Variants in GRB2 observed in about 807,000 individuals in gnomAD.
GRB2 encodes growth factor receptor bound protein 2, also known as growth factor receptor-bound protein 2.
GRB2 carries 2 observed loss-of-function variants against 27.4 expected under a neutral mutation model. That is an observed-to-expected ratio of 0.07 (90% CI 0.03 to 0.23). The LOEUF is 0.23. Among genes scored for constraint, GRB2 ranks in the 10% least tolerant of loss-of-function variants. The probability of loss-of-function intolerance (pLI) is 1.00; values close to 1 mark genes in which losing one functional copy is unlikely to be tolerated. For missense variants in GRB2, 102 were observed against 282.4 expected, an observed-to-expected ratio of 0.36 and a Z score of 4.58; for synonymous variants, 94 against 99.6, an observed-to-expected ratio of 0.94 and a Z score of 0.33.
At chr17:75,326,502 G>A (rs867803960) in intron 3 of GRB2, among the ~76,000 whole-genome samples, 1 of 152,216 alleles carries the variant, frequency 6.6e-6, no homozygotes, top group African/African-American at 2.4e-5. Flanking sequence ...TGGAGGCAGG[G>A]TTACTTTTGC....
At chr17:75,339,855 C>CGTCAAG (rs1439371652) in intron 2 of GRB2, among the ~76,000 whole-genome samples, 1 of 152,186 alleles carries the variant, frequency 6.6e-6, no homozygotes, top group East Asian at 1.9e-4. Flanking sequence ...TCTTGAACTA[C>CGTCAAG]TGACCTCAGG....
At chr17:75,402,508 C>T (rs1401646086) in intron 1 of GRB2, among the ~76,000 whole-genome samples, 1 of 152,192 alleles carries the variant, frequency 6.6e-6, no homozygotes, top group African/African-American at 2.4e-5. Context: ...AGTTGAATTA[C>T]TTAAAGCCAC....
intron 1 of GRB2, among the ~76,000 whole-genome samples, chr17:75,395,775 G>GT (rs1327724982): frequency 1.8e-4 from 27 of 151,654 alleles, no homozygotes; most frequent in Middle Eastern, 7.0e-3. Flanking sequence ...TTAATCAGTA[G>GT]TATGTTATGA....
At chr17:75,368,296 A>AACT (rs1377285630) in intron 2 of GRB2, among the ~76,000 whole-genome samples, 2 of 150,482 alleles carry the variant, frequency 1.3e-5, no homozygotes, top group African/African-American at 4.9e-5. Context: ...GCTCACTGCA[A>AACT]ACTCCGCCTC....
At chr17:75,401,161 C>T (rs2079060911) in intron 1 of GRB2, among the ~76,000 whole-genome samples, 1 of 151,902 alleles carries the variant, frequency 6.6e-6, no homozygotes. Flanking sequence ...AAAAAAAAGG[C>T]TAGGCCGGGC....
At chr17:75,402,534 T>C (rs114566898) in intron 1 of GRB2, among the ~76,000 whole-genome samples, 2 of 152,356 alleles carry the variant, frequency 1.3e-5, no homozygotes, top group African/African-American at 4.8e-5. Flanking sequence ...AGTCTTATTA[T>C]TTATGGCTGC....
chr17:75,361,740 C>T (rs2078783214), intron 2 of GRB2, among the ~76,000 whole-genome samples: 1 of 151,900 alleles, frequency 6.6e-6, no homozygotes, highest in African/African-American at 2.4e-5. Context: ...TTTTAATATC[C>T]CTGAAAACAT....
intron 2 of GRB2, among the ~76,000 whole-genome samples, chr17:75,339,396 T>C (rs1045690104): frequency 1.3e-5 from 2 of 151,722 alleles, no homozygotes; most frequent in African/African-American, 4.8e-5. Context: ...GGTTTCACTA[T>C]GTTGGCCAGG....
chr17:75,389,228 T>A (rs2078983475), intron 2 of GRB2, among the ~76,000 whole-genome samples: 1 of 152,114 alleles, frequency 6.6e-6, no homozygotes, highest in African/African-American at 2.4e-5. Context: ...ATTCCAGCCT[T>A]CCTATCTCAA....
rs183247282 is a variant in GRB2 at position 75,402,291 on chromosome 17, G to A, written c.-138+3198C>T. ...CCACTGTAAAGCTGAAAAATCTTTC[G>A]TCTGAGTCTACAGACTCAGAAGAAT... is the stretch of plus-strand genomic sequence containing the variant. On this transcript the variant is annotated intron_variant, in intron 1 of 5. Coordinates refer to ENST00000316804, the MANE Select transcript of GRB2 (RefSeq NM_002086.5). Among the ~76,000 whole-genome samples, 46 of 152,202 alleles carry A rather than the reference G, an allele frequency of 3.0e-4. No individual in the cohort carries two copies. The East Asian group carries it at 8.1e-3, about 27-fold the overall frequency.
chr17:75,326,957 A>G (rs1302132694), intron 3 of GRB2, among the ~76,000 whole-genome samples: 1 of 152,234 alleles, frequency 6.6e-6, no homozygotes, highest in African/African-American at 2.4e-5. Context: ...TATAGCAAAT[A>G]AAGACCTATA....
chr17:75,393,831 G>A (rs1296666613), intron 1 of GRB2, 66 bp from the exon 2 acceptor site: 4 of 553,964 alleles, frequency 7.2e-6, no homozygotes, highest in East Asian at 6.2e-5. Context: ...CCTGCCAATC[G>A]GCCTGCTGTC....
chr17:75,328,029 T>C (rs1362516682), intron 3 of GRB2, among the ~76,000 whole-genome samples: 2 of 152,060 alleles, frequency 1.3e-5, no homozygotes, highest in Non-Finnish European at 2.9e-5. Flanking sequence ...GCTCTCTAAA[T>C]ATAAAAGGAC....
intron 5 of GRB2, among the ~76,000 whole-genome samples, chr17:75,321,169 CTTTTTTTTTT>C (rs61287852): frequency 3.3e-3 from 398 of 119,968 alleles, no homozygotes; most frequent in East Asian, 6.1e-3. Context: ...AACAACAAAT[CTTTTTTTTTT>C]TTTTTTTTTT....
intron 2 of GRB2, among the ~76,000 whole-genome samples, chr17:75,340,112 A>G (rs1308017584): frequency 6.6e-6 from 1 of 152,238 alleles, no homozygotes; most frequent in Admixed American, 6.5e-5. Flanking sequence ...TAGGCTGTAC[A>G]GTTATGGTCC....
rs78004068 is a variant in GRB2 at position 75,382,774 on chromosome 17, T to C, written c.78+10777A>G. On this transcript the variant is annotated intron_variant, in intron 2 of 5. Coordinates refer to ENST00000316804, the MANE Select transcript of GRB2 (RefSeq NM_002086.5). Reference sequence around the variant, plus strand: ...CCCAGGCTAGAGTGCGGTGGCACTATCTGGGATCACTGCAAGCTCAGCCTT... The same window carrying C: ...CCCAGGCTAGAGTGCGGTGGCACTACCTGGGATCACTGCAAGCTCAGCCTT... Among the ~76,000 whole-genome samples, 657 of 152,318 alleles carry C rather than the reference T, an allele frequency of 4.3e-3. 4 individuals carry two copies. Among genetic ancestry groups the C allele is most frequent in the African/African-American group, 0.015 (614 of 41,572 alleles).
intron 2 of GRB2, among the ~76,000 whole-genome samples, chr17:75,355,991 C>T (rs1023415777): frequency 6.6e-6 from 1 of 151,636 alleles, no homozygotes; most frequent in African/African-American, 2.4e-5. Context: ...CTGCCATGCC[C>T]GGCTAATTTT....
chr17:75,386,948 G>A lies in GRB2; in HGVS notation c.78+6603C>T, dbSNP rs114860111. On this transcript the variant is annotated intron_variant, in intron 2 of 5. Coordinates refer to ENST00000316804, the MANE Select transcript of GRB2 (RefSeq NM_002086.5). ...CCCAGCACTTTGGGAGGCTGAGAGG[G>A]GCAGATCACGAGGTCAGAGGATAGA... Among the ~76,000 whole-genome samples, 634 of 146,870 alleles carry A rather than the reference G, an allele frequency of 4.3e-3. 5 individuals are homozygous for A. Among genetic ancestry groups the A allele is most frequent in the African/African-American group, 0.015 (596 of 40,986 alleles).
rs144770299 is a variant in GRB2 at position 75,319,536 on chromosome 17, C to A, written c.*832G>T. 8.1e-4 allele frequency: 122 copies of A among 151,410 alleles called. No individual in the cohort carries two copies. Among genetic ancestry groups the A allele is most frequent in the African/African-American group, 2.9e-3 (119 of 40,976 alleles). The allele number at this position is 151,410 out of a possible 1,614,324, so 9.4% of individuals were successfully genotyped here. On this transcript the variant is annotated 3_prime_UTR_variant, in exon 6 of 6. Transcript: ENST00000316804. Reference sequence around the variant, plus strand: ...GTCCCGGCTCACTCAACCTCCACTTCCCAGGTTCAAGCGATTCTCCTGCCT... The same window carrying A: ...GTCCCGGCTCACTCAACCTCCACTTACCAGGTTCAAGCGATTCTCCTGCCT...
Sources: allele counts gnomAD v4.1 joint callset (sites outside exome capture counted in the v4.1 genomes callset), GRCh38; gene constraint gnomAD v4.1.1; transcripts MANE v1.5; gene names NCBI Gene and HGNC (gene_info 2026-07-23, HGNC 2026-07-21).